DDX10: variants seen among roughly 807,000 people sequenced by gnomAD.
DDX10 encodes probable ATP-dependent RNA helicase DDX10.
In DDX10, 74 loss-of-function variants were observed where a neutral mutation model predicts 104.3. The ratio of observed to expected loss-of-function variants is 0.71; its 90% CI spans 0.59 to 0.86. DDX10 has a LOEUF of 0.86. DDX10 is among the 40% of genes least tolerant of loss of function. The pLI, the probability that DDX10 is intolerant of heterozygous loss-of-function variation, is 0.00. For missense variants in DDX10, 952 were observed against 1,040.0 expected (o/e 0.92, Z 1.16); for synonymous variants, 351 against 353.4 (o/e 0.99, Z 0.08).
intron 11 of DDX10, among the ~76,000 whole-genome samples, chr11:108,717,002 C>T (rs2094292332): frequency 6.6e-6 from 1 of 151,990 alleles, no homozygotes; most frequent in African/African-American, 2.4e-5. Flanking sequence ...ATTATGCTTT[C>T]CAATCTTTCT....
intron 9 of DDX10, among the ~76,000 whole-genome samples, chr11:108,703,234 A>G (rs1009439145): frequency 6.6e-6 from 1 of 152,214 alleles, no homozygotes; most frequent in Non-Finnish European, 1.5e-5. Context: ...CACAATGTGT[A>G]TACTCTAAGA....
At chr11:108,923,261 G>GT (rs1324785711) in intron 17 of DDX10, among the ~76,000 whole-genome samples, 1 of 152,184 alleles carries the variant, frequency 6.6e-6, no homozygotes, top group African/African-American at 2.4e-5. Context: ...CTTATCTCAA[G>GT]TAAGTTTTGA....
At chr11:108,791,791 T>C (rs758489150) in intron 13 of DDX10, among the ~76,000 whole-genome samples, 3 of 152,218 alleles carry the variant, frequency 2.0e-5, no homozygotes, top group Non-Finnish European at 4.4e-5. Context: ...TTCATTTCTT[T>C]TGAGTAAATG....
intron 6 of DDX10, among the ~76,000 whole-genome samples, chr11:108,688,084 T>G (rs2094247186): frequency 6.6e-6 from 1 of 152,222 alleles, no homozygotes; most frequent in African/African-American, 2.4e-5. Flanking sequence ...ATAATTAATG[T>G]ATGTGGCTGT....
At chr11:108,816,754 A>G (rs181233530) in intron 13 of DDX10, among the ~76,000 whole-genome samples, 4 of 152,086 alleles carry the variant, frequency 2.6e-5, no homozygotes, top group Admixed American at 6.5e-5. Flanking sequence ...GAGTTTCACC[A>G]TGTTGGCCAG....
chr11:108,919,251 A>G (rs1330324625), intron 17 of DDX10: 1 of 152,178 alleles, frequency 6.6e-6, no homozygotes, highest in Non-Finnish European at 1.5e-5. Flanking sequence ...TGTAGGCTCT[A>G]GGTAGTGGAC....
At chr11:108,690,064 A>G (rs998349180) in intron 7 of DDX10, among the ~76,000 whole-genome samples, 35 of 151,026 alleles carry the variant, frequency 2.3e-4, no homozygotes, top group African/African-American at 8.5e-4. Flanking sequence ...AAAAAAAAAA[A>G]GACTTCAGTT....
At chr11:108,795,138 C>T (rs57551537) in intron 13 of DDX10, among the ~76,000 whole-genome samples, 2 of 151,928 alleles carry the variant, frequency 1.3e-5, no homozygotes, top group East Asian at 1.9e-4. Flanking sequence ...CTAGTTTTCT[C>T]TTTTTTTATA....
chr11:108,771,578 C>T (rs61914041), intron 13 of DDX10, among the ~76,000 whole-genome samples: 2 of 152,094 alleles, frequency 1.3e-5, no homozygotes, highest in East Asian at 3.9e-4. Flanking sequence ...ATCTCCTGAC[C>T]TCGTGATCCG....
At chr11:108,821,795 T>C (rs2134578005) in intron 13 of DDX10, among the ~76,000 whole-genome samples, 1 of 152,302 alleles carries the variant, frequency 6.6e-6, no homozygotes, top group Middle Eastern at 3.4e-3. Flanking sequence ...AAAATGCCTT[T>C]CAGTAAGTAA....
intron 10 of DDX10, among the ~76,000 whole-genome samples, chr11:108,711,809 G>A (rs1177164809): frequency 6.6e-6 from 1 of 152,218 alleles, no homozygotes; most frequent in East Asian, 1.9e-4. Flanking sequence ...TCTCTAGATG[G>A]CTGTTGTGTC....
At chr11:108,816,233 G>T (rs909189591) in intron 13 of DDX10, among the ~76,000 whole-genome samples, 4 of 152,058 alleles carry the variant, frequency 2.6e-5, no homozygotes, top group African/African-American at 9.7e-5. Context: ...CTCCATCTAC[G>T]TATGCTCCCT....
At chr11:108,690,910 A>G (rs987089665) in intron 7 of DDX10, 10 of 155,658 alleles carry the variant, frequency 6.4e-5, no homozygotes, top group Non-Finnish European at 1.0e-4. Flanking sequence ...GTGGTTTCCA[A>G]TTCCTTGTCC....
At chr11:108,745,151 A>G in intron 13 of DDX10, among the ~76,000 whole-genome samples, 1 of 69,932 alleles carries the variant, frequency 1.4e-5, no homozygotes. Context: ...CCTTCCACTC[A>G]CTCCCCTTTC....
intron 13 of DDX10, among the ~76,000 whole-genome samples, chr11:108,823,363 A>C (rs1418719244): frequency 6.6e-6 from 1 of 152,154 alleles, no homozygotes; most frequent in African/African-American, 2.4e-5. Flanking sequence ...TGTGGTAGTG[A>C]TGCTTGTTTC....
chr11:108,773,748 C>T (rs151332952), intron 13 of DDX10, among the ~76,000 whole-genome samples: 84 of 152,178 alleles, frequency 5.5e-4, no homozygotes, highest in South Asian at 1.5e-3. Context: ...ATTTAATTTG[C>T]ATCTTAGAGT....
chr11:108,801,394 G>C (rs1471068106), intron 13 of DDX10, among the ~76,000 whole-genome samples: 1 of 152,044 alleles, frequency 6.6e-6, no homozygotes, highest in Non-Finnish European at 1.5e-5. Flanking sequence ...GTATGTTTTG[G>C]AAACGTGTTT....
intron 17 of DDX10, among the ~76,000 whole-genome samples, chr11:108,935,233 G>A (rs1864022034): frequency 1.3e-5 from 2 of 152,110 alleles, no homozygotes; most frequent in Non-Finnish European, 2.9e-5. Context: ...GGTTTAGATA[G>A]TTAGAAAACA....
chr11:108,733,424 C>T (rs2094314678), intron 13 of DDX10, among the ~76,000 whole-genome samples: 1 of 152,110 alleles, frequency 6.6e-6, no homozygotes, highest in Non-Finnish European at 1.5e-5. Flanking sequence ...AAATGATTAA[C>T]ATCTATCAAT....
Sources: allele counts gnomAD v4.1 joint callset (sites outside exome capture counted in the v4.1 genomes callset), GRCh38; gene constraint gnomAD v4.1.1; transcripts MANE v1.5; gene names NCBI Gene and HGNC (gene_info 2026-07-23, HGNC 2026-07-21).